The following PPP2R2C variants were observed in gnomAD, a reference collection of about 807,000 sequenced individuals.
PPP2R2C encodes the protein protein phosphatase 2, regulatory subunit B, gamma.
In PPP2R2C, 10 loss-of-function variants were observed where a neutral mutation model predicts 45.3. The ratio of observed to expected loss-of-function variants is 0.22; its 90% CI spans 0.14 to 0.37. PPP2R2C has a LOEUF of 0.37. PPP2R2C is among the 10% of genes least tolerant of loss of function. The pLI is 1.00. For missense variants in PPP2R2C, 308 were observed against 619.7 expected (o/e 0.50, Z 5.34); for synonymous variants, 257 against 245.4 (o/e 1.05, Z -0.44).
chr4:6,418,346 G>T (rs1331170260), intron 1 of PPP2R2C, among the ~76,000 whole-genome samples: 1 of 152,112 alleles, frequency 6.6e-6, no homozygotes, highest in East Asian at 1.9e-4. Flanking sequence ...ATGCCCTCCT[G>T]GAGAGGAAGC....
chr4:6,458,715 T>TA (rs1721171548), intron 1 of PPP2R2C, among the ~76,000 whole-genome samples: 1 of 83,472 alleles, frequency 1.2e-5, no homozygotes, highest in African/African-American at 3.2e-5. Flanking sequence ...GGTGCTGAGC[T>TA]GGCAGGGTGC....
At chr4:6,516,205 C>T (rs1723823364) in intron 2 of PPP2R2C, among the ~76,000 whole-genome samples, 1 of 152,228 alleles carries the variant, frequency 6.6e-6, no homozygotes, top group Non-Finnish European at 1.5e-5. Flanking sequence ...GGCAGGCGTC[C>T]TTAGGACCCA....
intron 1 of PPP2R2C, among the ~76,000 whole-genome samples, chr4:6,434,345 T>C (rs1183667158): frequency 2.0e-5 from 2 of 98,906 alleles, no homozygotes; most frequent in East Asian, 5.8e-4. Context: ...ACCTGCGTAT[T>C]TCTTTTTTCT....
chr4:6,526,210 G>A (rs866500985), intron 2 of PPP2R2C, among the ~76,000 whole-genome samples: 1 of 152,328 alleles, frequency 6.6e-6, no homozygotes, highest in Admixed American at 6.5e-5. Flanking sequence ...ACACGTCTCC[G>A]TGAATATTCA....
At chr4:6,477,148 G>A (rs1040408172), upstream of PPP2R2C, among the ~76,000 whole-genome samples, 5 of 152,056 alleles carry the variant, frequency 3.3e-5, no homozygotes, top group African/African-American at 1.2e-4. Context: ...CGAGCTACTC[G>A]GGATGCTGAG....
intron 1 of PPP2R2C, among the ~76,000 whole-genome samples, chr4:6,421,288 G>T (rs567983808): frequency 6.6e-6 from 1 of 152,268 alleles, no homozygotes; most frequent in East Asian, 1.9e-4. Context: ...GGCCGTGCGG[G>T]TCAGCAGCTG....
At chr4:6,468,067 A>G (rs1721677767) in intron 1 of PPP2R2C, among the ~76,000 whole-genome samples, 1 of 152,166 alleles carries the variant, frequency 6.6e-6, no homozygotes, top group African/African-American at 2.4e-5. Flanking sequence ...TCTTACTAGG[A>G]ACCATATGTG....
chr4:6,461,889 A>G (rs1721341312), intron 1 of PPP2R2C, among the ~76,000 whole-genome samples: 1 of 152,208 alleles, frequency 6.6e-6, no homozygotes, highest in African/African-American at 2.4e-5. Flanking sequence ...CCACATCCCC[A>G]TCATGGGGGT....
intron 5 of PPP2R2C, among the ~76,000 whole-genome samples, chr4:6,357,767 C>T (rs527747273): frequency 6.6e-6 from 1 of 152,318 alleles, no homozygotes; most frequent in Admixed American, 6.5e-5. Flanking sequence ...GCTGTTCAGA[C>T]CACCCCTGTG....
In PPP2R2C at chr4:6,329,178, G is replaced by A; in HGVS notation, c.1052+84C>T. On this transcript the variant is annotated intron_variant, in intron 8 of 8. Transcript: ENST00000382599. This position sits in a 1 kb window ranked among gnomAD's most constrained non-coding sequence, Gnocchi z 5.8. ...GAGGCTGAGTAGCCCCATGCTGCGG[G>A]TCACCGGAATCCCAGCCCAGACCCC... 3 of 1,329,134 alleles carry A rather than the reference G, an allele frequency of 2.3e-6. No individual in the cohort carries two copies. The highest frequency in any genetic ancestry group is 1.9e-5 in the Admixed American group (1 of 53,320). The allele number at this position is 1,329,134 out of a possible 1,614,324, so 82.3% of individuals were successfully genotyped here.
At position 6,349,227 on chromosome 4, in the gene PPP2R2C, G is replaced by A. The variant is rs981194399; in HGVS notation, c.626-1217C>T. 7.1e-6 allele frequency: 7 copies of A among 985,306 alleles called. No homozygotes were observed. In the African/African-American group the frequency reaches 1.0e-4, roughly 15 times the overall value. The allele number at this position is 985,306 out of a possible 1,614,324, so 61.0% of individuals were successfully genotyped here. On this transcript the variant is annotated intron_variant, in intron 5 of 8. Coordinates refer to ENST00000382599, the MANE Select transcript of PPP2R2C (RefSeq NM_020416.4). Reference sequence around the variant, plus strand: ...CCGGCCCTGCATGGGGCTTTGCACGGTCTGTTCCCTCTGACTCTTCAGGTG... The same window carrying A: ...CCGGCCCTGCATGGGGCTTTGCACGATCTGTTCCCTCTGACTCTTCAGGTG...
intron 2 of PPP2R2C, among the ~76,000 whole-genome samples, chr4:6,478,540 CTGAG>C (rs1376225413): frequency 2.6e-5 from 4 of 152,126 alleles, no homozygotes; most frequent in South Asian, 2.1e-4. Flanking sequence ...GTTCGATGTG[CTGAG>C]TGAGTGAGAA....
intron 2 of PPP2R2C, 151 bp downstream of exon 2, chr4:6,380,846 A>C (rs1007610478): frequency 8.1e-7 from 1 of 1,241,178 alleles, no homozygotes; most frequent in African/African-American, 1.5e-5. Flanking sequence ...GTCAGTTAAA[A>C]GCCCTCTTGT....
chr4:6,322,537 C>T lies in PPP2R2C; in HGVS notation c.*765G>A, dbSNP rs1263795528. 6.6e-6 allele frequency: 1 copy of T among 152,162 alleles called. No individual in the cohort carries two copies. The highest frequency in any genetic ancestry group is 1.5e-5 in the Non-Finnish European group (1 of 68,094). 9.4% of individuals were successfully genotyped at this position (152,162 alleles called of 1,614,324 possible). A position where few individuals can be genotyped will look rare whatever the true frequency, so the allele number is the denominator to read the frequency against. On this transcript the variant is annotated 3_prime_UTR_variant, in exon 9 of 9. Transcript: ENST00000382599. The surrounding 1 kb of genome is among the most constrained non-coding windows in gnomAD (Gnocchi z 7.8). ...GCTGCAGAGGGTAAGTCAACTGCCT[C>T]TAGGGCTGAGCACCACGCCTGGTAC...
intron 2 of PPP2R2C, among the ~76,000 whole-genome samples, chr4:6,479,090 A>G (rs1722262812): frequency 6.6e-6 from 1 of 152,234 alleles, no homozygotes; most frequent in Non-Finnish European, 1.5e-5. Flanking sequence ...ACAGCCAACC[A>G]CAGGACCCAC....
chr4:6,383,191 C>A, intron 1 of PPP2R2C: 2 of 1,186,716 alleles, frequency 1.7e-6, no homozygotes. Context: ...CGCAGGCTGG[C>A]CCACTGGCCC....
At chr4:6,323,724 C>G in intron 8 of PPP2R2C, 131 bp from the exon 9 acceptor site, 4 of 974,256 alleles carry the variant, frequency 4.1e-6, no homozygotes, top group Non-Finnish European at 5.7e-6. Context: ...TTGCTTCAGC[C>G]TAGGAGTTCA....
intron 1 of PPP2R2C, among the ~76,000 whole-genome samples, chr4:6,391,235 T>C (rs1406494098): frequency 6.6e-6 from 1 of 152,100 alleles, no homozygotes; most frequent in Non-Finnish European, 1.5e-5. Flanking sequence ...CACACACACC[T>C]TGGAAACAAT....
upstream of PPP2R2C, among the ~76,000 whole-genome samples, chr4:6,475,863 T>C (rs1722126047): frequency 6.6e-6 from 1 of 152,214 alleles, no homozygotes; most frequent in Non-Finnish European, 1.5e-5. Context: ...AATGTGATGA[T>C]GTTTGCAGGT....
Sources: allele counts gnomAD v4.1 joint callset (sites outside exome capture counted in the v4.1 genomes callset), GRCh38; gene constraint gnomAD v4.1.1; non-coding constraint Gnocchi (gnomAD v3.1); transcripts MANE v1.5; gene names NCBI Gene and HGNC (gene_info 2026-07-23, HGNC 2026-07-21).